BRD1: variants seen among roughly 807,000 people sequenced by gnomAD.
BRD1 encodes the protein bromodomain-containing protein 1.
In BRD1, 24 loss-of-function variants were observed where a neutral mutation model predicts 107.7. The observed-to-expected ratio is 0.22, with a 90% CI of 0.16 to 0.31. BRD1 has a LOEUF of 0.31. BRD1 is among the 10% of genes least tolerant of loss of function. The pLI is 1.00. For synonymous variants in BRD1, 744 were observed against 686.1 expected (o/e 1.08, Z -1.32); for missense variants, 1,279 against 1,638.6 (o/e 0.78, Z 3.79).
At chr22:49,788,580 T>C (rs752900364) in intron 7 of BRD1, among the ~76,000 whole-genome samples, 14 of 152,172 alleles carry the variant, frequency 9.2e-5, no homozygotes, top group Non-Finnish European at 1.3e-4. Flanking sequence ...TTTGACATTA[T>C]AAAAACCGGA....
intron 7 of BRD1, among the ~76,000 whole-genome samples, chr22:49,790,143 G>A (rs1393143206): frequency 1.3e-5 from 2 of 152,194 alleles, no homozygotes; most frequent in Non-Finnish European, 2.9e-5. Flanking sequence ...TGGGTGCTCA[G>A]CCACCTGCCC....
intron 8 of BRD1, among the ~76,000 whole-genome samples, chr22:49,780,038 G>A (rs1157881175): frequency 6.6e-6 from 1 of 152,152 alleles, no homozygotes; most frequent in African/African-American, 2.4e-5. Context: ...CAGGGCCTGG[G>A]TGGGGAGGCT....
chr22:49,823,868 C>T lies in BRD1; in HGVS notation c.450G>A (p.Leu150=). 6.2e-7 allele frequency: 1 copy of T among 1,614,230 alleles called. No homozygotes were observed. Among genetic ancestry groups the T allele is most frequent in the African/African-American group, 1.3e-5 (1 of 75,070 alleles). The change falls in exon 2 of 13, where the codon CTG becomes CTA. Residue 150 remains leucine, a synonymous_variant. Coordinates refer to ENST00000404760, the MANE Select transcript of BRD1 (RefSeq NM_001304808.3). Reference sequence around the variant, plus strand: ...CCATGTCATACTCCACCTCGTTGTCCAGTTCCTCGGCCGACTTCTCGATGA... The same window carrying T: ...CCATGTCATACTCCACCTCGTTGTCTAGTTCCTCGGCCGACTTCTCGATGA... The part of the protein sequence containing the change: ...YKFIEKSAEE[L]DNEVEYDMDE...
chr22:49,786,078 C>T (rs914513255), intron 8 of BRD1, among the ~76,000 whole-genome samples: 1 of 152,060 alleles, frequency 6.6e-6, no homozygotes, highest in African/African-American at 2.4e-5. Flanking sequence ...CCAGCCCCAC[C>T]CTCTCTCACT....
rs73892871 is a variant in BRD1, at chr22:49,783,115, C to G, written c.2857+4275G>C. Among the ~76,000 whole-genome samples the G allele has an allele frequency of 6.6e-6, 1 of 152,048 alleles. No homozygotes were observed. The highest frequency in any genetic ancestry group is 2.4e-5 in the African/African-American group (1 of 41,396). On this transcript the variant is annotated intron_variant, in intron 8 of 12. Coordinates refer to ENST00000404760, the MANE Select transcript of BRD1 (RefSeq NM_001304808.3). This position sits in a 1 kb window ranked among gnomAD's most constrained non-coding sequence, Gnocchi z 4.2. ...CCAAGGCCCAGGCCAGACGCCTGCA[C>G]GAGACCTGCTCTTGCTGGGACCCAG... is the stretch of plus-strand genomic sequence containing the variant.
chr22:49,809,346 C>T (rs2059805974), intron 2 of BRD1, among the ~76,000 whole-genome samples: 1 of 151,964 alleles, frequency 6.6e-6, no homozygotes, highest in South Asian at 2.1e-4. Context: ...TCAAGACCAG[C>T]CTAGCCAAGA....
chr22:49,820,429 C>A (rs930393250), intron 2 of BRD1, among the ~76,000 whole-genome samples: 1 of 152,096 alleles, frequency 6.6e-6, no homozygotes, highest in African/African-American at 2.4e-5. Flanking sequence ...CCGCCCACGG[C>A]TGCACATCAA....
rs145014918 is a variant in BRD1 at position 49,801,036 on chromosome 22, C to T, written c.1525-1917G>A. On this transcript the variant is annotated intron_variant, in intron 3 of 12. Transcript: ENST00000404760. ...CAGCTCCTGCCACTGGGCCCAATGC[C>T]GCCAGCAGGTGCGTGGGACTGGCAG... Among the ~76,000 whole-genome samples, 321 of 152,362 alleles carry T rather than the reference C, an allele frequency of 2.1e-3. 1 individual carries two copies. The highest frequency in any genetic ancestry group is 6.5e-3 in the African/African-American group (272 of 41,582).
At chr22:49,810,408 C>T (rs552892933) in intron 2 of BRD1, among the ~76,000 whole-genome samples, 81 of 152,254 alleles carry the variant, frequency 5.3e-4, no homozygotes, top group Middle Eastern at 6.8e-3. Flanking sequence ...TATTAAAAGA[C>T]CCTTGGTTAG....
rs1488228265 is a variant in BRD1 at position 49,798,097 on chromosome 22, G to A, written c.1806C>T (p.His602=). The part of the protein sequence containing the change: ...SLKEVPDYLD[H]IKHPMDFATM... Reference sequence around the variant, plus strand: ...TGGCAAAGTCCATGGGATGTTTAATGTGATCCAAATAATCTGGTACCTAAT... The same window carrying A: ...TGGCAAAGTCCATGGGATGTTTAATATGATCCAAATAATCTGGTACCTAAT... The change falls in exon 6 of 13, where the codon CAC becomes CAT. Residue 602 remains histidine (H), a synonymous_variant. Coordinates refer to ENST00000404760, the MANE Select transcript of BRD1 (RefSeq NM_001304808.3). 1 of 1,609,732 alleles carries A rather than the reference G, an allele frequency of 6.2e-7. No homozygotes were observed. The highest frequency in any genetic ancestry group is 8.5e-7 in the Non-Finnish European group (1 of 1,176,616).
chr22:49,784,521 G>A (rs879387898), intron 8 of BRD1, among the ~76,000 whole-genome samples: 8 of 152,274 alleles, frequency 5.3e-5, no homozygotes, highest in Admixed American at 3.3e-4. Context: ...CAGCCGGCCC[G>A]CGGGCGACAC....
At chr22:49,789,940 G>A (rs1385191265) in intron 7 of BRD1, among the ~76,000 whole-genome samples, 1 of 152,306 alleles carries the variant, frequency 6.6e-6, no homozygotes, top group South Asian at 2.1e-4. Context: ...CCTAACCCCT[G>A]GTCTATCCCA....
intron 8 of BRD1, among the ~76,000 whole-genome samples, chr22:49,786,025 C>T (rs1005078398): frequency 3.3e-5 from 5 of 152,214 alleles, no homozygotes; most frequent in African/African-American, 1.2e-4. Context: ...CTCCATGACA[C>T]AGGACTCACT....
chr22:49,777,555 C>G, intron 9 of BRD1, 123 bp downstream of exon 9: 3 of 1,389,802 alleles, frequency 2.2e-6, no homozygotes, highest in Non-Finnish European at 2.9e-6. Flanking sequence ...ACATGAATCC[C>G]AGGCCAGAAT....
chr22:49,776,866 C>T (rs1166808995), intron 10 of BRD1, among the ~76,000 whole-genome samples, 168 bp downstream of exon 10: 1 of 152,256 alleles, frequency 6.6e-6, no homozygotes, highest in Non-Finnish European at 1.5e-5. Context: ...AGGGCCACAG[C>T]CCAGAGCCCC....
rs1362609359 is a variant in BRD1 at position 49,792,764 on chromosome 22, T to G, written c.2359+1270A>C. On this transcript the variant is annotated intron_variant, in intron 7 of 12. Transcript: ENST00000404760. This position sits in a 1 kb window ranked among gnomAD's most constrained non-coding sequence, Gnocchi z 4.2. ...GATGCATAAGAAATTCTCAGCTGTG[T>G]GCACAGGAGTAAGTTTCTAAGAGAA... 6.6e-6 allele frequency among the ~76,000 whole-genome samples: 1 copy of G among 152,194 alleles called. No homozygotes were observed. The highest frequency in any genetic ancestry group is 2.4e-5 in the African/African-American group (1 of 41,434).
intron 3 of BRD1, among the ~76,000 whole-genome samples, chr22:49,801,481 T>G: frequency 6.6e-6 from 1 of 152,174 alleles, no homozygotes; most frequent in East Asian, 1.9e-4. Context: ...TTCAAAACCA[T>G]GAAACCACAC....
Position 49,774,478 on chromosome 22 carries a change from A to G in BRD1, c.3387-62T>C, listed in dbSNP as rs78481591. ...TGCACATGGTATTTCAGCAGGCTCC[A>G]TGTAATCATCTAACAAATTCACTGC... On this transcript the variant is annotated intron_variant, in intron 12 of 12. Coordinates refer to ENST00000404760, the MANE Select transcript of BRD1 (RefSeq NM_001304808.3). 6,950 of 1,530,674 alleles carry G rather than the reference A, an allele frequency of 4.5e-3. 277 individuals carry two copies. The African/African-American group carries it at 0.082, about 18-fold the overall frequency. The allele number at this position is 1,530,674 out of a possible 1,614,324, so 94.8% of individuals were successfully genotyped here. A position where few individuals can be genotyped will look rare whatever the true frequency, so the allele number is the denominator to read the frequency against.
chr22:49,797,169 G>A (rs574329496), intron 6 of BRD1, among the ~76,000 whole-genome samples: 2 of 152,336 alleles, frequency 1.3e-5, no homozygotes, highest in South Asian at 4.1e-4. Flanking sequence ...TCTAGAGAAG[G>A]GTGCAGGTGA....
Sources: allele counts gnomAD v4.1 joint callset (sites outside exome capture counted in the v4.1 genomes callset), GRCh38; gene constraint gnomAD v4.1.1; non-coding constraint Gnocchi (gnomAD v3.1); transcripts MANE v1.5; gene names NCBI Gene and HGNC (gene_info 2026-07-23, HGNC 2026-07-21).